The following GPATCH2 variants were observed in gnomAD, a reference collection of about 807,000 sequenced individuals.
The protein encoded by GPATCH2 is G-patch domain containing 2.
Under a neutral mutation model 58.0 loss-of-function variants are expected in GPATCH2, and 51 were observed. The observed-to-expected ratio is 0.88, with a 90% CI of 0.70 to 1.11. GPATCH2 has a LOEUF of 1.11. Among genes scored for constraint, GPATCH2 ranks in the 50% most tolerant of loss-of-function variants. The probability of loss-of-function intolerance (pLI) is 0.00; values close to 1 mark genes in which losing one functional copy is unlikely to be tolerated. For synonymous variants in GPATCH2, 222 were observed against 218.5 expected (o/e 1.02, Z -0.14); for missense variants, 625 against 652.2 (o/e 0.96, Z 0.45).
intron 8 of GPATCH2, among the ~76,000 whole-genome samples, chr1:217,465,395 A>G (rs1382136551): frequency 6.6e-6 from 1 of 152,140 alleles, no homozygotes; most frequent in Non-Finnish European, 1.5e-5. Context: ...AATATAAAAC[A>G]TTATAATTGG....
chr1:217,617,131 T>C (rs565170215), intron 2 of GPATCH2, among the ~76,000 whole-genome samples: 2 of 152,354 alleles, frequency 1.3e-5, no homozygotes, highest in Non-Finnish European at 2.9e-5. Context: ...GACTATAAGA[T>C]GATAAAATCC....
At chr1:217,504,290 A>G (rs1662445407) in intron 6 of GPATCH2, among the ~76,000 whole-genome samples, 1 of 152,140 alleles carries the variant, frequency 6.6e-6, no homozygotes, top group South Asian at 2.1e-4. Flanking sequence ...AGAGGAGGCG[A>G]ATGGCGTCCT....
chr1:217,615,563 G>T (rs1219945393), intron 2 of GPATCH2, among the ~76,000 whole-genome samples: 7 of 151,796 alleles, frequency 4.6e-5, no homozygotes, highest in African/African-American at 1.7e-4. Context: ...TCTTTCCTGT[G>T]TGCCCCCCAT....
chr1:217,575,111 A>G (rs1290000838), intron 5 of GPATCH2, among the ~76,000 whole-genome samples: 1 of 152,222 alleles, frequency 6.6e-6, no homozygotes, highest in Non-Finnish European at 1.5e-5. Context: ...AGGTTCCTTC[A>G]GTCATATCAA....
At chr1:217,498,603 A>G (rs553051985) in intron 6 of GPATCH2, 58 of 596,112 alleles carry the variant, frequency 9.7e-5, no homozygotes, top group African/African-American at 9.7e-4. Context: ...TTTTCAATTT[A>G]ATAAGCAAAC....
At chr1:217,626,856 A>T (rs1016938087) in intron 1 of GPATCH2, among the ~76,000 whole-genome samples, 1 of 152,104 alleles carries the variant, frequency 6.6e-6, no homozygotes, top group African/African-American at 2.4e-5. Flanking sequence ...ATCAAAAGTA[A>T]ATTTTTTCTC....
intron 5 of GPATCH2, among the ~76,000 whole-genome samples, chr1:217,563,177 A>G (rs1173673410): frequency 1.3e-5 from 2 of 152,212 alleles, no homozygotes; most frequent in Non-Finnish European, 2.9e-5. Flanking sequence ...AGAATTTTGC[A>G]TTAAGCCAGA....
chr1:217,608,648 T>C lies in GPATCH2; in HGVS notation c.1098+1673A>G, dbSNP rs1046927338. 2.0e-5 allele frequency: 20 copies of C among 984,358 alleles called. No homozygotes were observed. The African/African-American group carries it at 3.3e-4, about 16-fold the overall frequency. The allele number at this position is 984,358 out of a possible 1,614,324, so 61.0% of individuals were successfully genotyped here. ...ACTAGATAGCATTCATCTAGATTCA[T>C]GATTGATAAGGCAAAGTTCATAGGC... On this transcript the variant is annotated intron_variant, in intron 5 of 9. Transcript: ENST00000366935.
At chr1:217,453,858 A>G (rs1186578042) in intron 8 of GPATCH2, among the ~76,000 whole-genome samples, 1 of 152,176 alleles carries the variant, frequency 6.6e-6, no homozygotes, top group African/African-American at 2.4e-5. Flanking sequence ...TGTTCAGAGA[A>G]TTAGGCCTAG....
At chr1:217,477,079 G>A (rs1014153965) in intron 8 of GPATCH2, among the ~76,000 whole-genome samples, 12 of 152,120 alleles carry the variant, frequency 7.9e-5, no homozygotes, top group Non-Finnish European at 1.3e-4. Flanking sequence ...GAGTTGTGAG[G>A]CCCTCTTTTC....
chr1:217,499,198 G>A (rs565284417), intron 6 of GPATCH2, among the ~76,000 whole-genome samples: 23 of 152,210 alleles, frequency 1.5e-4, no homozygotes, highest in Non-Finnish European at 3.1e-4. Context: ...AAAGGCCCAC[G>A]ATCACAGGGA....
intron 5 of GPATCH2, among the ~76,000 whole-genome samples, chr1:217,563,977 G>C (rs1666063018): frequency 6.7e-6 from 1 of 148,702 alleles, no homozygotes; most frequent in Admixed American, 6.7e-5. Context: ...CCGGGAGGCG[G>C]AGATAGTGGT....
Position 217,542,076 on chromosome 1 carries a change from G to C in GPATCH2, c.1099-27187C>G, listed in dbSNP as rs1571888445. On this transcript the variant is annotated intron_variant, in intron 5 of 9. Transcript: ENST00000366935. ...TTTTGGTAAAAAAATTTTAAGGAGG[G>C]CTATATACCCTGAAGTCAAAAGGGT... is the stretch of plus-strand genomic sequence containing the variant. 2.6e-5 allele frequency among the ~76,000 whole-genome samples: 4 copies of C among 152,256 alleles called. No individual in the cohort carries two copies. The East Asian group carries it at 7.7e-4, about 29-fold the overall frequency.
At chr1:217,441,175 A>C (rs1452409069) in intron 9 of GPATCH2, among the ~76,000 whole-genome samples, 1 of 152,200 alleles carries the variant, frequency 6.6e-6, no homozygotes, top group Non-Finnish European at 1.5e-5. Flanking sequence ...CCAATGGAAC[A>C]GAACAGAGGC....
chr1:217,540,000 C>T (rs963537149), intron 5 of GPATCH2, among the ~76,000 whole-genome samples: 1 of 152,062 alleles, frequency 6.6e-6, no homozygotes, highest in African/African-American at 2.4e-5. Context: ...ATAAAAATTG[C>T]CTATGATAAA....
At chr1:217,584,306 A>G (rs1427027821) in intron 5 of GPATCH2, among the ~76,000 whole-genome samples, 5 of 145,430 alleles carry the variant, frequency 3.4e-5, no homozygotes, top group Non-Finnish European at 4.5e-5. Context: ...CAGCCTGGCC[A>G]ACATGGTGAA....
intron 9 of GPATCH2, among the ~76,000 whole-genome samples, chr1:217,440,965 C>T (rs1350436816): frequency 6.6e-6 from 1 of 152,148 alleles, no homozygotes; most frequent in South Asian, 2.1e-4. Context: ...CTATCCCCAT[C>T]AAGCTAACAT....
intron 5 of GPATCH2, among the ~76,000 whole-genome samples, chr1:217,570,099 A>T (rs1200086048): frequency 6.6e-6 from 1 of 152,066 alleles, no homozygotes; most frequent in East Asian, 1.9e-4. Flanking sequence ...TAAATGAGAT[A>T]ACAAATATAA....
At chr1:217,546,902 A>G (rs972321251) in intron 5 of GPATCH2, among the ~76,000 whole-genome samples, 4 of 152,160 alleles carry the variant, frequency 2.6e-5, no homozygotes, top group African/African-American at 9.6e-5. Flanking sequence ...CAAGAAAAAA[A>G]CCCAAACAAC....
Sources: gnomAD v4.1 joint callset for allele counts (sites outside exome capture counted in the v4.1 genomes callset) on GRCh38, gnomAD v4.1.1 for gene constraint, MANE v1.5 for transcripts, NCBI Gene and HGNC (gene_info 2026-07-23, HGNC 2026-07-21) for gene names.